TCF12: variants seen among roughly 807,000 people sequenced by gnomAD.
The protein encoded by TCF12 is transcription factor 12, also known as DNA-binding protein HTF4.
A neutral mutation model predicts 86.0 loss-of-function variants in TCF12; 45 were observed. That is an observed-to-expected ratio of 0.52 (90% CI 0.41 to 0.67). The LOEUF (loss-of-function observed/expected upper bound fraction) is 0.67. TCF12 is among the 30% of genes least tolerant of loss of function. TCF12 has a pLI of 0.00. For synonymous variants in TCF12, 330 were observed against 299.6 expected, an observed-to-expected ratio of 1.10 and a Z score of -1.05; for missense variants, 881 against 859.9, an observed-to-expected ratio of 1.02 and a Z score of -0.31.
chr15:57,199,931 G>T (rs1341923389), intron 8 of TCF12, among the ~76,000 whole-genome samples: 1 of 151,950 alleles, frequency 6.6e-6, no homozygotes, highest in Admixed American at 6.6e-5. Flanking sequence ...ACACAGGCTG[G>T]AGTGCAGTGA....
At chr15:57,079,790 C>T (rs2046053273) in intron 4 of TCF12, among the ~76,000 whole-genome samples, 1 of 152,034 alleles carries the variant, frequency 6.6e-6, no homozygotes, top group Non-Finnish European at 1.5e-5. Flanking sequence ...TACAAAAGTG[C>T]TATGGAAATG....
At chr15:57,197,207 A>C (rs1350203435) in intron 7 of TCF12, among the ~76,000 whole-genome samples, 1 of 119,246 alleles carries the variant, frequency 8.4e-6, no homozygotes, top group African/African-American at 3.2e-5. Context: ...CCCAGGCTGG[A>C]GTACAGTAGT....
intron 3 of TCF12, among the ~76,000 whole-genome samples, chr15:57,058,281 A>G (rs1391986570): frequency 2.6e-5 from 4 of 152,138 alleles, no homozygotes; most frequent in Admixed American, 2.6e-4. Flanking sequence ...TAAATCAGTC[A>G]TTGGGTTTTC....
At chr15:57,040,919 G>T (rs540108738) in intron 3 of TCF12, among the ~76,000 whole-genome samples, 2 of 152,148 alleles carry the variant, frequency 1.3e-5, no homozygotes, top group African/African-American at 4.8e-5. Context: ...GGCTATTTTT[G>T]TACATTTTAA....
intron 3 of TCF12, among the ~76,000 whole-genome samples, chr15:56,972,176 A>G (rs2062370726): frequency 6.6e-6 from 1 of 152,222 alleles, no homozygotes; most frequent in African/African-American, 2.4e-5. Flanking sequence ...TCTGTGATTC[A>G]TTCCTGTACA....
intron 3 of TCF12, among the ~76,000 whole-genome samples, chr15:56,999,949 C>T (rs1596041244): frequency 6.6e-6 from 1 of 152,156 alleles, no homozygotes; most frequent in Admixed American, 6.5e-5. Flanking sequence ...GATCCACCCA[C>T]CTCAGCCTCC....
At chr15:57,111,491 C>A (rs1190672028) in intron 5 of TCF12, among the ~76,000 whole-genome samples, 1 of 151,944 alleles carries the variant, frequency 6.6e-6, no homozygotes, top group South Asian at 2.1e-4. Context: ...TGAAATTCAC[C>A]CATGACAACC....
intron 5 of TCF12, among the ~76,000 whole-genome samples, chr15:57,112,254 C>G (rs2050544314): frequency 6.6e-6 from 1 of 152,188 alleles, no homozygotes; most frequent in African/African-American, 2.4e-5. Context: ...GTGACCTGAT[C>G]TCACTTGAAT....
chr15:57,124,751 C>T (rs1018363811), intron 5 of TCF12, among the ~76,000 whole-genome samples: 2 of 151,882 alleles, frequency 1.3e-5, no homozygotes, highest in Non-Finnish European at 1.5e-5. Context: ...GATCTCGGCT[C>T]ACTGCAAGCT....
At chr15:56,944,734 A>T (rs1194618337) in intron 3 of TCF12, among the ~76,000 whole-genome samples, 1 of 152,198 alleles carries the variant, frequency 6.6e-6, no homozygotes, top group African/African-American at 2.4e-5. Context: ...GTCACACTAC[A>T]TTAAACAAAC....
At chr15:57,164,082 A>G (rs1277434554) in intron 5 of TCF12, among the ~76,000 whole-genome samples, 3 of 152,206 alleles carry the variant, frequency 2.0e-5, no homozygotes, top group African/African-American at 7.2e-5. Context: ...AGCATGTCAA[A>G]GCACCATGTT....
chr15:57,219,412 C>A, intron 8 of TCF12: 1 of 1,393,070 alleles, frequency 7.2e-7, no homozygotes, highest in South Asian at 1.8e-5. Context: ...TGAGTAGATC[C>A]ATGTGTGAAT....
chr15:56,933,799 AC>A (rs1413410441), intron 3 of TCF12, among the ~76,000 whole-genome samples: 13 of 152,124 alleles, frequency 8.5e-5, no homozygotes, highest in Non-Finnish European at 1.9e-4. Flanking sequence ...TAAAACTTAA[AC>A]ATTTCTGATG....
At chr15:57,088,166 T>G (rs1309335062) in intron 4 of TCF12, among the ~76,000 whole-genome samples, 8 of 152,238 alleles carry the variant, frequency 5.3e-5, no homozygotes, top group Admixed American at 3.9e-4. Flanking sequence ...TTTGTTCTTT[T>G]CTTGTCACTG....
At chr15:57,243,337 A>G in intron 12 of TCF12, 135 bp from the exon 13 acceptor site, 1 of 658,816 alleles carries the variant, frequency 1.5e-6, no homozygotes, top group Non-Finnish European at 2.6e-6. Flanking sequence ...AACAGTCTAA[A>G]ACTTGACAAG....
chr15:57,131,261 G>C (rs1343356977), intron 5 of TCF12, among the ~76,000 whole-genome samples: 4 of 152,158 alleles, frequency 2.6e-5, no homozygotes, highest in Non-Finnish European at 4.4e-5. Context: ...ACCAGTCACT[G>C]CTCTTTATGT....
chr15:57,205,525 G>A (rs899223504), intron 8 of TCF12, among the ~76,000 whole-genome samples: 6 of 152,148 alleles, frequency 3.9e-5, no homozygotes, highest in Admixed American at 2.0e-4. Context: ...TAAGAGTTTC[G>A]GGCTGTTAGA....
intron 3 of TCF12, among the ~76,000 whole-genome samples, chr15:57,018,493 A>G (rs1218185864): frequency 6.6e-6 from 1 of 151,288 alleles, no homozygotes; most frequent in African/African-American, 2.4e-5. Context: ...GATGGGGCCT[A>G]GCTCTATCGC....
intron 18 of TCF12, among the ~76,000 whole-genome samples, chr15:57,272,043 A>G (rs111745098): frequency 2.1e-4 from 32 of 152,258 alleles, no homozygotes; most frequent in Non-Finnish European, 3.5e-4. Flanking sequence ...CTAGAAGTTC[A>G]TGTAAATGGA....
Sources: gnomAD v4.1 joint callset for allele counts (sites outside exome capture counted in the v4.1 genomes callset) on GRCh38, gnomAD v4.1.1 for gene constraint, MANE v1.5 for transcripts, NCBI Gene and HGNC (gene_info 2026-07-23, HGNC 2026-07-21) for gene names.